Variants in FOXK1 observed in about 807,000 individuals in gnomAD.
FOXK1 encodes forkhead box protein K1.
In FOXK1, 19 loss-of-function variants were observed where a neutral mutation model predicts 51.9. The ratio of observed to expected loss-of-function variants is 0.37; its 90% CI spans 0.26 to 0.54. FOXK1 has a LOEUF of 0.54. Among genes scored for constraint, FOXK1 ranks in the 20% least tolerant of loss-of-function variants. The probability of loss-of-function intolerance (pLI) is 0.87; values close to 1 mark genes in which losing one functional copy is unlikely to be tolerated. For synonymous variants in FOXK1, 537 were observed against 482.6 expected, an observed-to-expected ratio of 1.11 and a Z score of -1.48; for missense variants, 870 against 1,032.7, an observed-to-expected ratio of 0.84 and a Z score of 2.16.
intron 1 of FOXK1, among the ~76,000 whole-genome samples, chr7:4,686,131 C>A (rs1779815011): frequency 6.6e-6 from 1 of 152,118 alleles, no homozygotes; most frequent in South Asian, 2.1e-4. Context: ...GGCTTTGGTA[C>A]CTGGTATTGC....
At chr7:4,710,915 G>A (rs1301519854) in intron 1 of FOXK1, among the ~76,000 whole-genome samples, 1 of 152,154 alleles carries the variant, frequency 6.6e-6, no homozygotes, top group Non-Finnish European at 1.5e-5. Context: ...CTCCTCGTCT[G>A]TGTAGTTCCT....
chr7:4,701,000 T>C (rs887939144), intron 1 of FOXK1, among the ~76,000 whole-genome samples: 41 of 152,216 alleles, frequency 2.7e-4, no homozygotes, highest in African/African-American at 9.6e-4. Flanking sequence ...ACTGCAGTGC[T>C]TTGAGCTGCT....
Position 4,683,259 on chromosome 7 carries a change from C to T in FOXK1, c.560+391C>T, listed in dbSNP as rs545441690. On this transcript the variant is annotated intron_variant, in intron 1 of 8. Transcript: ENST00000328914. This position sits in a 1 kb window ranked among gnomAD's most constrained non-coding sequence, Gnocchi z 4.5. ...GGAGCCACCCATACCCCAAGCCCAT[C>T]TGGCTGGGCCTCTTAGACCCCTGAC... 1.2e-3 allele frequency among the ~76,000 whole-genome samples: 184 copies of T among 151,882 alleles called. 1 individual carries two copies. Among genetic ancestry groups the T allele is most frequent in the African/African-American group, 4.2e-3 (172 of 41,412 alleles).
chr7:4,700,401 G>A (rs1024467714), intron 1 of FOXK1, among the ~76,000 whole-genome samples: 1 of 152,246 alleles, frequency 6.6e-6, no homozygotes, highest in Non-Finnish European at 1.5e-5. Context: ...CTTTTGCTGA[G>A]TGCCCTTGGG....
chr7:4,688,697 A>G (rs759977265), intron 1 of FOXK1, among the ~76,000 whole-genome samples: 7 of 151,978 alleles, frequency 4.6e-5, no homozygotes, highest in Middle Eastern at 3.4e-3. Flanking sequence ...CTTTTTTCTC[A>G]TGGAGTCACT....
rs1047405528 is a variant in FOXK1, at chr7:4,768,357, C to T, written c.*5893C>T. 4 of 138,298 alleles carry T rather than the reference C, an allele frequency of 2.9e-5. No homozygotes were observed. The highest frequency in any genetic ancestry group is 1.0e-4 in the African/African-American group (3 of 29,382). The allele number at this position is 138,298 out of a possible 1,614,324, so 8.6% of individuals were successfully genotyped here. A position where few individuals can be genotyped will look rare whatever the true frequency, so the allele number is the denominator to read the frequency against. On this transcript the variant is annotated 3_prime_UTR_variant, in exon 9 of 9. Coordinates refer to ENST00000328914, the MANE Select transcript of FOXK1 (RefSeq NM_001037165.2). ...CCGTGTTAGCCAGGATGGTCTCGATCTCCTGACCTCGTGATCCGCCCGCCT... is the reference window on the plus strand; with the variant it reads ...CCGTGTTAGCCAGGATGGTCTCGATTTCCTGACCTCGTGATCCGCCCGCCT...
rs573613351 is a variant in FOXK1, at chr7:4,756,460, A to C, written c.1051-534A>C. Reference sequence around the variant, plus strand: ...CTCCCAGATGTGCTCCTAGACCAGGATCTGTCTTTCTGTTTCACTTTTTCT... The same window carrying C: ...CTCCCAGATGTGCTCCTAGACCAGGCTCTGTCTTTCTGTTTCACTTTTTCT... On this transcript the variant is annotated intron_variant, in intron 4 of 8. Coordinates refer to ENST00000328914, the MANE Select transcript of FOXK1 (RefSeq NM_001037165.2). The surrounding 1 kb of genome is among the most constrained non-coding windows in gnomAD (Gnocchi z 4.1). Among the ~76,000 whole-genome samples, 1 of 150,606 alleles carries C rather than the reference A, an allele frequency of 6.6e-6. No individual in the cohort carries two copies. The highest frequency in any genetic ancestry group is 2.4e-5 in the African/African-American group (1 of 41,032).
At position 4,761,327 on chromosome 7, in the gene FOXK1, C is replaced by G; in HGVS notation, c.1921+39C>G. On this transcript the variant is annotated intron_variant, in intron 8 of 8. Coordinates refer to ENST00000328914, the MANE Select transcript of FOXK1 (RefSeq NM_001037165.2). The surrounding 1 kb of genome is among the most constrained non-coding windows in gnomAD (Gnocchi z 6.2). ...CCTGTTCTCCATGCCACATCCCAAGCTCTGTGGCTCCCAGTAGTCAGTGCG... is the reference window on the plus strand; with the variant it reads ...CCTGTTCTCCATGCCACATCCCAAGGTCTGTGGCTCCCAGTAGTCAGTGCG... 6.4e-7 allele frequency: 1 copy of G among 1,573,366 alleles called. No individual in the cohort carries two copies. The highest frequency in any genetic ancestry group is 8.7e-7 in the Non-Finnish European group (1 of 1,154,706).
intron 1 of FOXK1, among the ~76,000 whole-genome samples, chr7:4,694,495 C>G (rs983755493): frequency 6.6e-6 from 1 of 152,136 alleles, no homozygotes; most frequent in African/African-American, 2.4e-5. Flanking sequence ...ATTTGTATCA[C>G]GAGGGGGAAA....
At chr7:4,759,887 CAG>C (rs1161824128) in intron 7 of FOXK1, 1 of 509,966 alleles carries the variant, frequency 2.0e-6, no homozygotes, top group Non-Finnish European at 3.5e-6. Context: ...AAAAATTAGC[CAG>C]GCATGATGAT....
In FOXK1 at chr7:4,682,604, G is replaced by A; in HGVS notation, c.296G>A (p.Arg99Gln). ...ALVAAAAASV[R>Q]QSPGPALARL... ...GTGGCCGCGGCGGCCGCCTCGGTAC[G>A]GCAGAGCCCGGGGCCGGCGCTGGCG... Residue 99 changes from arginine to glutamine, a missense_variant, in exon 1 of 9, where the codon CGG becomes CAG. Transcript: ENST00000328914. This position sits in a 1 kb window ranked among gnomAD's most constrained non-coding sequence, Gnocchi z 7.6. 6.8e-7 allele frequency: 1 copy of A among 1,473,064 alleles called. No homozygotes were observed. Among genetic ancestry groups the A allele is most frequent in the East Asian group, 2.9e-5 (1 of 35,026 alleles). The allele number at this position is 1,473,064 out of a possible 1,614,324, so 91.2% of individuals were successfully genotyped here.
chr7:4,709,798 C>T lies in FOXK1; in HGVS notation c.560+26930C>T, dbSNP rs1444221705. The stretch of plus-strand genomic sequence containing the variant: ...TCACGATGTGCTGTCCGTCTTCTCG[C>T]TGTTCAGCCAGCAGTTCACTGTCTG... On this transcript the variant is annotated intron_variant, in intron 1 of 8. Transcript: ENST00000328914. The surrounding 1 kb of genome is among the most constrained non-coding windows in gnomAD (Gnocchi z 5.6). Among the ~76,000 whole-genome samples the T allele has an allele frequency of 6.6e-6, 1 of 152,214 alleles. No individual in the cohort carries two copies. Among genetic ancestry groups the T allele is most frequent in the African/African-American group, 2.4e-5 (1 of 41,450 alleles).
At chr7:4,693,318 G>A (rs1158096613) in intron 1 of FOXK1, among the ~76,000 whole-genome samples, 1 of 152,140 alleles carries the variant, frequency 6.6e-6, no homozygotes, top group Non-Finnish European at 1.5e-5. Flanking sequence ...TTTGTAGTCA[G>A]TTAATTTTTA....
chr7:4,711,724 G>A lies in FOXK1; in HGVS notation c.560+28856G>A, dbSNP rs1780176732. 6.6e-6 allele frequency among the ~76,000 whole-genome samples: 1 copy of A among 152,266 alleles called. No individual in the cohort carries two copies. The highest frequency in any genetic ancestry group is 2.4e-5 in the African/African-American group (1 of 41,480). On this transcript the variant is annotated intron_variant, in intron 1 of 8. Transcript: ENST00000328914. The surrounding 1 kb of genome is among the most constrained non-coding windows in gnomAD (Gnocchi z 6.3). ...GCTGCCGTGTCTTGTCAGGAGGCCA[G>A]CTCTGTGTCACCCACCAGGCTGGGC...
rs374029827 is a variant in FOXK1 at position 4,707,942 on chromosome 7, C to G, written c.560+25074C>G. On this transcript the variant is annotated intron_variant, in intron 1 of 8. Coordinates refer to ENST00000328914, the MANE Select transcript of FOXK1 (RefSeq NM_001037165.2). This position sits in a 1 kb window ranked among gnomAD's most constrained non-coding sequence, Gnocchi z 4.1. ...AAGTGATCCACCCTCCTCAGCCTCC[C>G]AAAGTGCTGGGATTACACCCATGAG... Among the ~76,000 whole-genome samples the G allele has an allele frequency of 3.3e-5, 5 of 152,140 alleles. No individual in the cohort carries two copies. The highest frequency in any genetic ancestry group is 9.7e-5 in the African/African-American group (4 of 41,440).
At chr7:4,744,964 G>A (rs1780682667) in intron 2 of FOXK1, among the ~76,000 whole-genome samples, 1 of 152,248 alleles carries the variant, frequency 6.6e-6, no homozygotes, top group Non-Finnish European at 1.5e-5. Flanking sequence ...GAATTCAATT[G>A]AGTGTTTAGA....
intron 1 of FOXK1, among the ~76,000 whole-genome samples, chr7:4,688,433 C>T (rs1779848297): frequency 6.6e-6 from 1 of 151,758 alleles, no homozygotes; most frequent in Non-Finnish European, 1.5e-5. Flanking sequence ...CGGAGTCTCG[C>T]TCTGTCGCCC....
rs943465374 is a variant in FOXK1, at chr7:4,734,807, G to T, written c.561-6031G>T. 1.3e-5 allele frequency among the ~76,000 whole-genome samples: 2 copies of T among 152,170 alleles called. No individual in the cohort carries two copies. The highest frequency in any genetic ancestry group is 2.9e-5 in the Non-Finnish European group (2 of 68,022). On this transcript the variant is annotated intron_variant, in intron 1 of 8. Coordinates refer to ENST00000328914, the MANE Select transcript of FOXK1 (RefSeq NM_001037165.2). This position sits in a 1 kb window ranked among gnomAD's most constrained non-coding sequence, Gnocchi z 5.2. ...TGCCGCTTCTGTGTTGGGTGCCCTC[G>T]TCCAGGCCTCGGGTTCACCCCATCC...
At chr7:4,692,236 G>A (rs1034328633) in intron 1 of FOXK1, among the ~76,000 whole-genome samples, 5 of 152,160 alleles carry the variant, frequency 3.3e-5, no homozygotes, top group East Asian at 1.9e-4. Flanking sequence ...GGCTGCCTCC[G>A]CTTTTAGTCG....
Sources: allele counts gnomAD v4.1 joint callset (sites outside exome capture counted in the v4.1 genomes callset), GRCh38; gene constraint gnomAD v4.1.1; non-coding constraint Gnocchi (gnomAD v3.1); transcripts MANE v1.5; gene names NCBI Gene and HGNC (gene_info 2026-07-23, HGNC 2026-07-21).